Variants in SETD3 observed in about 807,000 individuals in gnomAD.
SETD3 encodes actin-histidine N-methyltransferase.
Under a neutral mutation model 63.0 loss-of-function variants are expected in SETD3, and 19 were observed. The ratio of observed to expected loss-of-function variants is 0.30; its 90% CI spans 0.21 to 0.44. SETD3 has a LOEUF of 0.44. Ranked by LOEUF, SETD3 falls within the 20% of genes least tolerant of loss-of-function variation. SETD3 has a pLI of 1.00. For missense variants in SETD3, 587 were observed against 728.5 expected, an observed-to-expected ratio of 0.81 and a Z score of 2.24; for synonymous variants, 286 against 264.1, an observed-to-expected ratio of 1.08 and a Z score of -0.80.
chr14:99,397,762 C>A lies in SETD3; in HGVS notation c.*917G>T, dbSNP rs1194023957. ...AGACAAAAATATTAATCATGTTTTT[C>A]TTTTAATAAGGGTTTTTACTCAAAA... On this transcript the variant is annotated 3_prime_UTR_variant, in exon 13 of 13. Transcript: ENST00000331768. 1.3e-5 allele frequency: 2 copies of A among 152,168 alleles called. No individual in the cohort carries two copies. The highest frequency in any genetic ancestry group is 6.5e-5 in the Admixed American group (1 of 15,280). The allele number at this position is 152,168 out of a possible 1,614,324, so 9.4% of individuals were successfully genotyped here.
intron 1 of SETD3, among the ~76,000 whole-genome samples, 190 bp downstream of exon 1, chr14:99,480,538 C>T (rs993866478): frequency 2.6e-5 from 4 of 150,948 alleles, no homozygotes; most frequent in African/African-American, 9.7e-5. Context: ...CTCGCCCTGG[C>T]CCCCGAGCGC....
At chr14:99,450,084 CCA>C (rs1894371709) in intron 6 of SETD3, among the ~76,000 whole-genome samples, 1 of 152,204 alleles carries the variant, frequency 6.6e-6, no homozygotes, top group African/African-American at 2.4e-5. Flanking sequence ...ACAACCTCTG[CCA>C]CAGAGGAGTC....
chr14:99,405,009 C>T (rs1328324289), intron 10 of SETD3, among the ~76,000 whole-genome samples, 196 bp downstream of exon 10: 4 of 152,214 alleles, frequency 2.6e-5, no homozygotes, highest in South Asian at 2.1e-4. Context: ...ATGCGCCCAA[C>T]GACACAATTA....
intron 6 of SETD3, among the ~76,000 whole-genome samples, chr14:99,422,301 A>G (rs1892635628): frequency 6.6e-6 from 1 of 152,198 alleles, no homozygotes; most frequent in Admixed American, 6.5e-5. Flanking sequence ...CTGGAATTCT[A>G]TCATTTTTCT....
At chr14:99,403,971 TTTAAG>T (rs777393607) in intron 11 of SETD3, among the ~76,000 whole-genome samples, 1 of 152,224 alleles carries the variant, frequency 6.6e-6, no homozygotes, top group African/African-American at 2.4e-5. Context: ...TCCAAGATGT[TTTAAG>T]TTTTCTTCAA....
chr14:99,422,799 G>C (rs755733023), intron 6 of SETD3, among the ~76,000 whole-genome samples: 2 of 152,200 alleles, frequency 1.3e-5, no homozygotes, highest in Non-Finnish European at 2.9e-5. Flanking sequence ...CGGGCTGCTG[G>C]TCACAAAGGA....
At chr14:99,436,857 A>G (rs1893512685) in intron 6 of SETD3, among the ~76,000 whole-genome samples, 2 of 152,166 alleles carry the variant, frequency 1.3e-5, no homozygotes, top group African/African-American at 2.4e-5. Context: ...CTTCCATTTT[A>G]GCAAGATTCC....
intron 1 of SETD3, among the ~76,000 whole-genome samples, chr14:99,479,709 C>T (rs1417583909): frequency 3.9e-5 from 6 of 152,148 alleles, no homozygotes; most frequent in South Asian, 2.1e-4. Context: ...AATCAGGCTA[C>T]GAAGATGGGG....
chr14:99,453,738 A>G (rs902379720), intron 6 of SETD3, among the ~76,000 whole-genome samples: 23 of 151,856 alleles, frequency 1.5e-4, no homozygotes, highest in Non-Finnish European at 5.9e-5. Flanking sequence ...AGGCAGGAGA[A>G]TTGCTTGAAC....
intron 6 of SETD3, among the ~76,000 whole-genome samples, chr14:99,421,236 G>A (rs985639969): frequency 1.3e-5 from 2 of 151,850 alleles, no homozygotes; most frequent in Non-Finnish European, 2.9e-5. Context: ...TAAACAGAAC[G>A]GTAAAAAGTT....
chr14:99,399,729 A>C (rs989543143), intron 12 of SETD3, among the ~76,000 whole-genome samples: 38 of 150,290 alleles, frequency 2.5e-4, no homozygotes, highest in African/African-American at 8.8e-4. Flanking sequence ...TTAACAAGAA[A>C]TCTTTCATTA....
At chr14:99,413,963 G>A in intron 6 of SETD3, 29 bp from the exon 7 acceptor site, 1 of 1,592,872 alleles carries the variant, frequency 6.3e-7, no homozygotes, top group Non-Finnish European at 8.6e-7. Context: ...AGAAAGCAGA[G>A]GTGAAAAGAG....
chr14:99,467,777 G>A (rs777701693), intron 1 of SETD3, among the ~76,000 whole-genome samples: 1 of 152,144 alleles, frequency 6.6e-6, no homozygotes, highest in African/African-American at 2.4e-5. Flanking sequence ...AGTGAGCCTG[G>A]GACAGGGCTG....
chr14:99,450,502 T>C (rs1319750788), intron 6 of SETD3, among the ~76,000 whole-genome samples: 1 of 152,194 alleles, frequency 6.6e-6, no homozygotes, highest in Non-Finnish European at 1.5e-5. Context: ...GCAGCAACAG[T>C]AAGTTGTGAA....
intron 8 of SETD3, among the ~76,000 whole-genome samples, chr14:99,408,988 T>C (rs1466344152): frequency 6.6e-6 from 1 of 152,046 alleles, no homozygotes; most frequent in Non-Finnish European, 1.5e-5. Context: ...CCCCAGGAAA[T>C]TACCACCTAC....
intron 1 of SETD3, among the ~76,000 whole-genome samples, chr14:99,476,476 C>G (rs1258082970): frequency 6.6e-6 from 1 of 152,212 alleles, no homozygotes; most frequent in East Asian, 1.9e-4. Context: ...AAAAGAGCTT[C>G]CATCCAGTCC....
At chr14:99,438,740 G>A (rs1893628577) in intron 6 of SETD3, among the ~76,000 whole-genome samples, 1 of 152,182 alleles carries the variant, frequency 6.6e-6, no homozygotes, top group Non-Finnish European at 1.5e-5. Context: ...GTGCCAGTCT[G>A]ACCATGTGCC....
intron 11 of SETD3, among the ~76,000 whole-genome samples, chr14:99,403,890 A>C (rs1299894417): frequency 6.6e-6 from 1 of 152,230 alleles, no homozygotes; most frequent in Non-Finnish European, 1.5e-5. Flanking sequence ...TAAGTGAAAA[A>C]GACTAGTGCC....
At chr14:99,461,796 G>C (rs751756535) in intron 3 of SETD3, among the ~76,000 whole-genome samples, 15 of 152,206 alleles carry the variant, frequency 9.9e-5, no homozygotes, top group Non-Finnish European at 1.6e-4. Context: ...GAGCCCCACA[G>C]CCCTGATTCT....
Sources: allele counts gnomAD v4.1 joint callset (sites outside exome capture counted in the v4.1 genomes callset), GRCh38; gene constraint gnomAD v4.1.1; transcripts MANE v1.5; gene names NCBI Gene and HGNC (gene_info 2026-07-23, HGNC 2026-07-21).